VWA3B: variants seen among roughly 807,000 people sequenced by gnomAD.
VWA3B encodes von Willebrand factor A domain-containing protein 3B.
A neutral mutation model predicts 158.3 loss-of-function variants in VWA3B; 138 were observed. The ratio of observed to expected loss-of-function variants is 0.87; its 90% CI spans 0.76 to 1.00. The LOEUF (loss-of-function observed/expected upper bound fraction) is 1.00. Among genes scored for constraint, VWA3B ranks in the 50% least tolerant of loss-of-function variants. The pLI, the probability that VWA3B is intolerant of heterozygous loss-of-function variation, is 0.00. For missense variants in VWA3B, 1,555 were observed against 1,565.1 expected (o/e 0.99, Z 0.11); for synonymous variants, 596 against 587.3 (o/e 1.01, Z -0.21).
At chr2:98,245,831 T>C (rs553525296) in intron 19 of VWA3B, among the ~76,000 whole-genome samples, 1 of 152,326 alleles carries the variant, frequency 6.6e-6, no homozygotes, top group South Asian at 2.1e-4. Flanking sequence ...TCTAAAAGTT[T>C]ATGTGACATA....
At chr2:98,090,997 C>T (rs528319460) in intron 1 of VWA3B, among the ~76,000 whole-genome samples, 3 of 152,120 alleles carry the variant, frequency 2.0e-5, no homozygotes, top group South Asian at 2.1e-4. Flanking sequence ...TGGGCTCAAG[C>T]GATCTTCTCA....
intron 21 of VWA3B, among the ~76,000 whole-genome samples, chr2:98,261,923 C>A (rs954696482): frequency 6.6e-6 from 1 of 151,694 alleles, no homozygotes; most frequent in Non-Finnish European, 1.5e-5. Context: ...CTTCATGAAT[C>A]CTTCTCCACA....
chr2:98,124,169 G>GATCTTTTC (rs1239825212), intron 5 of VWA3B, among the ~76,000 whole-genome samples: 3 of 152,206 alleles, frequency 2.0e-5, no homozygotes, highest in African/African-American at 7.2e-5. Flanking sequence ...GCAGGCATCA[G>GATCTTTTC]ATCTTTTCTT....
intron 21 of VWA3B, among the ~76,000 whole-genome samples, chr2:98,269,189 A>T (rs1162177106): frequency 6.6e-6 from 1 of 151,996 alleles, no homozygotes; most frequent in Non-Finnish European, 1.5e-5. Flanking sequence ...ATCTCATCCG[A>T]TTTTCACAAA....
intron 7 of VWA3B, among the ~76,000 whole-genome samples, chr2:98,137,675 A>C (rs887008613): frequency 5.3e-5 from 8 of 152,156 alleles, no homozygotes; most frequent in Non-Finnish European, 1.2e-4. Flanking sequence ...TTAATACATT[A>C]AGTTTATTTT....
At chr2:98,186,121 A>G (rs1681018919) in intron 9 of VWA3B, among the ~76,000 whole-genome samples, 1 of 141,918 alleles carries the variant, frequency 7.0e-6, no homozygotes. Flanking sequence ...TTCTTACTTG[A>G]CCTTTAGTAA....
intron 12 of VWA3B, among the ~76,000 whole-genome samples, chr2:98,207,960 C>T (rs1021254684): frequency 2.0e-5 from 3 of 152,118 alleles, no homozygotes; most frequent in Admixed American, 2.0e-4. Flanking sequence ...TCTATTACAA[C>T]TCTATTATAA....
intron 21 of VWA3B, among the ~76,000 whole-genome samples, chr2:98,265,560 G>T (rs1299874255): frequency 4.5e-4 from 68 of 151,706 alleles, no homozygotes; most frequent in African/African-American, 1.6e-3. Context: ...TATATACCCA[G>T]TAATGGGATG....
At chr2:98,317,544 T>C (rs1182236802), downstream of VWA3B, among the ~76,000 whole-genome samples, 1 of 152,224 alleles carries the variant, frequency 6.6e-6, no homozygotes, top group African/African-American at 2.4e-5. Flanking sequence ...ATCAGCATGA[T>C]AAAACTTTGG....
intron 14 of VWA3B, among the ~76,000 whole-genome samples, chr2:98,220,976 G>A (rs756434369): frequency 5.9e-5 from 9 of 152,108 alleles, no homozygotes; most frequent in Admixed American, 5.9e-4. Context: ...TGTCGGGGGC[G>A]GGGCAGAGGG....
intron 9 of VWA3B, among the ~76,000 whole-genome samples, chr2:98,187,347 C>T (rs1347410052): frequency 6.6e-6 from 1 of 152,038 alleles, no homozygotes; most frequent in Non-Finnish European, 1.5e-5. Context: ...CTTAGAAGGT[C>T]TCCTAAGAGG....
chr2:98,167,648 G>T (rs1679199295), intron 8 of VWA3B, among the ~76,000 whole-genome samples: 1 of 152,320 alleles, frequency 6.6e-6, no homozygotes, highest in African/African-American at 2.4e-5. Context: ...GATGCACAGA[G>T]AGAGAAGTCC....
In VWA3B at chr2:98,181,175, A is replaced by G. The variant is rs1394871201; in HGVS notation, c.1274A>G (p.Lys425Arg). The G allele has an allele frequency of 1.4e-5, 23 of 1,614,212 alleles. No homozygotes were observed. Among genetic ancestry groups the G allele is most frequent in the Non-Finnish European group, 1.9e-5 (23 of 1,180,016 alleles). The change falls in exon 9 of 28, where the codon AAA (lysine) becomes AGA (arginine). Residue 425 changes from lysine (K) to arginine (R), a missense_variant. Coordinates refer to ENST00000477737, the MANE Select transcript of VWA3B (RefSeq NM_144992.5). Reference protein sequence around the residue: ...FRHADGVVDIKAKPENESVQT... With the variant: ...FRHADGVVDIRAKPENESVQT... Reference sequence around the variant, plus strand: ...CACGCTGATGGGGTTGTGGATATAAAAGCCAAACCGGAGAATGAGTCCGTG... The same window carrying G: ...CACGCTGATGGGGTTGTGGATATAAGAGCCAAACCGGAGAATGAGTCCGTG...
At chr2:98,116,256 C>T (rs957144898) in intron 3 of VWA3B, among the ~76,000 whole-genome samples, 1 of 152,192 alleles carries the variant, frequency 6.6e-6, no homozygotes. Flanking sequence ...TGTCCCATCA[C>T]GTCCATTTAT....
intron 5 of VWA3B, among the ~76,000 whole-genome samples, chr2:98,127,341 T>C (rs574039270): frequency 2.0e-5 from 3 of 152,160 alleles, no homozygotes; most frequent in African/African-American, 7.2e-5. Context: ...GGGAAGACAC[T>C]GAAGTTAGGT....
intron 22 of VWA3B, among the ~76,000 whole-genome samples, chr2:98,280,079 G>A (rs553017511): frequency 1.3e-5 from 2 of 152,326 alleles, no homozygotes; most frequent in Admixed American, 6.5e-5. Context: ...GTTCATCTCC[G>A]GAGTAGCGGG....
At chr2:98,312,097 G>A in intron 27 of VWA3B, 65 bp downstream of exon 27, 1 of 1,609,084 alleles carries the variant, frequency 6.2e-7, no homozygotes, top group Non-Finnish European at 8.5e-7. Flanking sequence ...TCCCTTTCAA[G>A]AATAGTACAC....
At chr2:98,182,895 G>A (rs1680713289) in intron 9 of VWA3B, among the ~76,000 whole-genome samples, 1 of 152,140 alleles carries the variant, frequency 6.6e-6, no homozygotes, top group Non-Finnish European at 1.5e-5. Flanking sequence ...GCGGCAGAGG[G>A]AGACTTTGTC....
At chr2:98,148,312 G>T (rs2105148949) in intron 7 of VWA3B, among the ~76,000 whole-genome samples, 1 of 152,274 alleles carries the variant, frequency 6.6e-6, no homozygotes, top group South Asian at 2.1e-4. Context: ...AGAAATTCGT[G>T]TCAATTAGTA....
Sources: gnomAD v4.1 joint callset for allele counts (sites outside exome capture counted in the v4.1 genomes callset) on GRCh38, gnomAD v4.1.1 for gene constraint, MANE v1.5 for transcripts, NCBI Gene and HGNC (gene_info 2026-07-23, HGNC 2026-07-21) for gene names.